PIK3C3: variants seen among roughly 807,000 people sequenced by gnomAD.
The protein encoded by PIK3C3 is phosphatidylinositol 3-kinase catalytic subunit type 3, also known as PI3-kinase type 3.
Under a neutral mutation model 126.1 loss-of-function variants are expected in PIK3C3, and 95 were observed. The ratio of observed to expected loss-of-function variants is 0.75; its 90% CI spans 0.64 to 0.89. The LOEUF (loss-of-function observed/expected upper bound fraction) is 0.89. PIK3C3 is among the 40% of genes least tolerant of loss of function. The pLI is 0.00. For missense variants in PIK3C3, 829 were observed against 1,063.2 expected (o/e 0.78, Z 3.06); for synonymous variants, 374 against 360.0 (o/e 1.04, Z -0.44).
intron 17 of PIK3C3, 83 bp downstream of exon 17, chr18:42,037,903 G>T: frequency 7.8e-7 from 1 of 1,278,666 alleles, no homozygotes; most frequent in South Asian, 1.4e-5. Context: ...TTATGGAACA[G>T]AAGTATTTGT....
rs1048823464 is a variant in PIK3C3, at chr18:42,084,064, A to G, written c.*2927A>G. On this transcript the variant is annotated 3_prime_UTR_variant, in exon 25 of 25. Coordinates refer to ENST00000262039, the MANE Select transcript of PIK3C3 (RefSeq NM_002647.4). ...TAGTCAGTAAACACATTTCTAGGAA[A>G]GGTGTTGTGTCATCATGCCACATAT... 6.6e-6 allele frequency: 1 copy of G among 152,224 alleles called. No homozygotes were observed. Among genetic ancestry groups the G allele is most frequent in the Non-Finnish European group, 1.5e-5 (1 of 68,042 alleles). 9.4% of individuals were successfully genotyped at this position (152,224 alleles called of 1,614,324 possible). A position where few individuals can be genotyped will look rare whatever the true frequency, so the allele number is the denominator to read the frequency against.
chr18:42,085,338 T>G lies in PIK3C3; in HGVS notation c.*4201T>G, dbSNP rs1014015700. 1 of 152,176 alleles carries G rather than the reference T, an allele frequency of 6.6e-6. No homozygotes were observed. Among genetic ancestry groups the G allele is most frequent in the African/African-American group, 2.4e-5 (1 of 41,450 alleles). The allele number at this position is 152,176 out of a possible 1,614,324, so 9.4% of individuals were successfully genotyped here. The stretch of plus-strand genomic sequence containing the variant: ...TAAGAAATATGTAGTTTCTAAAACT[T>G]CATATACTTTATATGGAATATGAAC... On this transcript the variant is annotated 3_prime_UTR_variant, in exon 25 of 25. Transcript: ENST00000262039.
chr18:41,997,653 T>A lies in PIK3C3; in HGVS notation c.984+923T>A, dbSNP rs1055198892. Among the ~76,000 whole-genome samples, 34 of 152,100 alleles carry A rather than the reference T, an allele frequency of 2.2e-4. 1 individual carries two copies. Among genetic ancestry groups the A allele is most frequent in the African/African-American group, 8.2e-4 (34 of 41,412 alleles). ...TAATAGCTAGCATTTTTTAAACAGA[T>A]ACTATGTACCAGGAATTCTTTAAAT... On this transcript the variant is annotated intron_variant, in intron 9 of 24. Coordinates refer to ENST00000262039, the MANE Select transcript of PIK3C3 (RefSeq NM_002647.4).
intron 6 of PIK3C3, among the ~76,000 whole-genome samples, chr18:41,991,198 G>A (rs1194253937): frequency 6.6e-6 from 1 of 152,080 alleles, no homozygotes; most frequent in Non-Finnish European, 1.5e-5. Flanking sequence ...AAGTACTACA[G>A]AAATAATTAT....
intron 7 of PIK3C3, 61 bp downstream of exon 7, chr18:41,993,402 C>T: frequency 1.9e-6 from 2 of 1,044,824 alleles, no homozygotes; most frequent in Non-Finnish European, 3.0e-6. Flanking sequence ...GTGAGTTAGC[C>T]ACATCATGTA....
At chr18:42,073,935 A>G (rs1353472061) in intron 24 of PIK3C3, among the ~76,000 whole-genome samples, 7 of 152,104 alleles carry the variant, frequency 4.6e-5, no homozygotes, top group Non-Finnish European at 8.8e-5. Context: ...TAGGTAAAGT[A>G]CAAGCATTTT....
chr18:42,079,948 T>A (rs1346146668), intron 24 of PIK3C3, among the ~76,000 whole-genome samples: 4 of 24,158 alleles, frequency 1.7e-4, no homozygotes, highest in South Asian at 2.3e-3. Context: ...AACTTTTGAG[T>A]GTGTGTGTGT....
At position 42,081,256 on chromosome 18, in the gene PIK3C3, A is replaced by T; in HGVS notation, c.*119A>T. On this transcript the variant is annotated 3_prime_UTR_variant, in exon 25 of 25. Coordinates refer to ENST00000262039, the MANE Select transcript of PIK3C3 (RefSeq NM_002647.4). ...GAAGAGAAATCTTAATCTTCAAGTT[A>T]CCATATTTTCCAAATATTACATGGT... 1.6e-6 allele frequency: 1 copy of T among 635,058 alleles called. No individual in the cohort carries two copies. Among genetic ancestry groups the T allele is most frequent in the Non-Finnish European group, 2.7e-6 (1 of 365,632 alleles). 39.3% of individuals were successfully genotyped at this position (635,058 alleles called of 1,614,324 possible).
At position 42,079,218 on chromosome 18, in the gene PIK3C3, C is replaced by A. The variant is rs1208421951; in HGVS notation, c.2650-1905C>A. ...TCCCTTTCACTTGATCACCTAGAGG[C>A]CCTGATAGCGTTCTTAATTGGCCTA... On this transcript the variant is annotated intron_variant, in intron 24 of 24. Transcript: ENST00000262039. 2.0e-5 allele frequency among the ~76,000 whole-genome samples: 3 copies of A among 152,096 alleles called. No individual in the cohort carries two copies. In the East Asian group the frequency reaches 5.8e-4, roughly 29 times the overall value.
chr18:42,062,385 A>G (rs1398778481), intron 22 of PIK3C3, among the ~76,000 whole-genome samples: 1 of 152,004 alleles, frequency 6.6e-6, no homozygotes, highest in Non-Finnish European at 1.5e-5. Context: ...GGCCCAGGAC[A>G]GCTTAGAATA....
intron 24 of PIK3C3, among the ~76,000 whole-genome samples, chr18:42,078,056 C>T (rs960147561): frequency 1.4e-4 from 22 of 152,046 alleles, no homozygotes; most frequent in African/African-American, 5.1e-4. Context: ...TTTTTCTGAG[C>T]AGTAGGCTTC....
Position 42,064,846 on chromosome 18 carries a change from C to T in PIK3C3, c.2523+16C>T, listed in dbSNP as rs1404892325. 8.3e-6 allele frequency: 11 copies of T among 1,326,986 alleles called. No homozygotes were observed. The African/African-American group carries it at 1.6e-4, about 19-fold the overall frequency. 82.2% of individuals were successfully genotyped at this position (1,326,986 alleles called of 1,614,324 possible). A position where few individuals can be genotyped will look rare whatever the true frequency, so the allele number is the denominator to read the frequency against. On this transcript the variant is annotated intron_variant, in intron 23 of 24. Transcript: ENST00000262039. ...TGTGAAAAAGGTAATTTTTAAGTAA[C>T]ATAAATGAAGAGCTCTTCTGTATAA...
chr18:41,995,775 G>C (rs956714229), intron 7 of PIK3C3, 115 bp from the exon 8 acceptor site: 2 of 713,722 alleles, frequency 2.8e-6, no homozygotes, highest in East Asian at 5.4e-5. Context: ...AGTTGTATCA[G>C]AACAAAACAT....
rs1983693603 is a variant in PIK3C3, at chr18:42,028,897, T to C, written c.1591-428T>C. On this transcript the variant is annotated intron_variant, in intron 14 of 24. Transcript: ENST00000262039. ...TTGTGGTGCTATTTGAAGTTTTCTT[T>C]TTTTAAAAGTTGATTTTTAGTTCCT... 2.0e-5 allele frequency among the ~76,000 whole-genome samples: 3 copies of C among 152,272 alleles called. No individual in the cohort carries two copies. In the South Asian group the frequency reaches 6.2e-4, roughly 31 times the overall value.
chr18:41,970,061 T>C (rs532412641), intron 3 of PIK3C3, among the ~76,000 whole-genome samples: 2 of 151,010 alleles, frequency 1.3e-5, no homozygotes, highest in Non-Finnish European at 2.9e-5. Context: ...TGCTCATTTC[T>C]CATCCTTCTC....
intron 21 of PIK3C3, among the ~76,000 whole-genome samples, chr18:42,056,245 G>A (rs1041773194): frequency 2.6e-5 from 4 of 152,032 alleles, no homozygotes; most frequent in African/African-American, 9.7e-5. Flanking sequence ...AACTTGTAAA[G>A]CATAATATAA....
intron 24 of PIK3C3, among the ~76,000 whole-genome samples, chr18:42,078,644 G>A (rs1986126399): frequency 6.6e-6 from 1 of 152,148 alleles, no homozygotes; most frequent in South Asian, 2.1e-4. Flanking sequence ...AAAGTCCTAT[G>A]TGGCATCTTA....
intron 15 of PIK3C3, 77 bp downstream of exon 15, chr18:42,029,518 T>C (rs555540911): frequency 4.9e-6 from 4 of 809,884 alleles, no homozygotes; most frequent in Admixed American, 3.8e-5. Context: ...TATTGTCTTT[T>C]TGGGTTGATA....
intron 3 of PIK3C3, among the ~76,000 whole-genome samples, chr18:41,965,221 A>T (rs1980296193): frequency 6.6e-6 from 1 of 152,194 alleles, no homozygotes; most frequent in South Asian, 2.1e-4. Flanking sequence ...TCCCAGATTC[A>T]TCACAAGTGG....
Sources: gnomAD v4.1 joint callset for allele counts (sites outside exome capture counted in the v4.1 genomes callset) on GRCh38, gnomAD v4.1.1 for gene constraint, MANE v1.5 for transcripts, NCBI Gene and HGNC (gene_info 2026-07-23, HGNC 2026-07-21) for gene names.